Variants in CAMTA1 observed in about 807,000 individuals in gnomAD.
The protein encoded by CAMTA1 is calmodulin binding transcription activator 1, also known as calmodulin-binding transcription activator 1.
In CAMTA1, 27 loss-of-function variants were observed where a neutral mutation model predicts 170.9. That is an observed-to-expected ratio of 0.16 (90% CI 0.12 to 0.22). The LOEUF (loss-of-function observed/expected upper bound fraction) is 0.22, where lower values mean the gene tolerates loss of function less well. CAMTA1 is among the 10% of genes least tolerant of loss of function. The pLI, the probability that CAMTA1 is intolerant of heterozygous loss-of-function variation, is 1.00. For synonymous variants in CAMTA1, 833 were observed against 891.5 expected, an observed-to-expected ratio of 0.93 and a Z score of 1.17; for missense variants, 1,619 against 2,217.2, an observed-to-expected ratio of 0.73 and a Z score of 5.42.
At chr1:7,262,946 A>G (rs1298385168) in intron 5 of CAMTA1, among the ~76,000 whole-genome samples, 1 of 152,228 alleles carries the variant, frequency 6.6e-6, no homozygotes, top group Non-Finnish European at 1.5e-5. Context: ...TTCCAGGTGC[A>G]GAACCGATCA....
At chr1:7,731,003 C>T (rs983244606) in intron 11 of CAMTA1, among the ~76,000 whole-genome samples, 2 of 151,336 alleles carry the variant, frequency 1.3e-5, no homozygotes, top group African/African-American at 2.4e-5. Flanking sequence ...ATATATGAAG[C>T]GAGCGTGGGC....
chr1:7,660,790 T>G (rs1327401291), intron 7 of CAMTA1, among the ~76,000 whole-genome samples: 2 of 152,196 alleles, frequency 1.3e-5, no homozygotes, highest in Admixed American at 6.5e-5. Flanking sequence ...GCCCGGCTCC[T>G]CCGCGCCTGG....
chr1:7,705,022 T>G (rs1207816980), intron 11 of CAMTA1, among the ~76,000 whole-genome samples: 30 of 134,358 alleles, frequency 2.2e-4, no homozygotes, highest in African/African-American at 6.7e-4. Flanking sequence ...GCCGGGGGCG[T>G]GGTGCGCGGC....
At chr1:6,882,970 C>G (rs1672027367) in intron 3 of CAMTA1, among the ~76,000 whole-genome samples, 1 of 152,314 alleles carries the variant, frequency 6.6e-6, no homozygotes, top group South Asian at 2.1e-4. Flanking sequence ...GGTCTCAGCT[C>G]ACTGCCATTT....
At chr1:7,659,640 G>A (rs146987165) in intron 7 of CAMTA1, among the ~76,000 whole-genome samples, 16 of 152,230 alleles carry the variant, frequency 1.1e-4, no homozygotes, top group Non-Finnish European at 1.9e-4. Context: ...AGATCTACCC[G>A]CAGTGTTCCG....
intron 6 of CAMTA1, among the ~76,000 whole-genome samples, chr1:7,501,123 G>A (rs186056492): frequency 9.9e-5 from 15 of 152,260 alleles, no homozygotes; most frequent in South Asian, 2.1e-4. Flanking sequence ...CGAGGCAGCC[G>A]AGAGAGTATG....
At chr1:7,253,065 C>A (rs1451193417) in intron 5 of CAMTA1, among the ~76,000 whole-genome samples, 1 of 152,112 alleles carries the variant, frequency 6.6e-6, no homozygotes, top group Non-Finnish European at 1.5e-5. Context: ...GATAAGGTTT[C>A]CAGGGATGAC....
intron 7 of CAMTA1, among the ~76,000 whole-genome samples, chr1:7,644,036 T>TA (rs1380753973): frequency 6.6e-6 from 1 of 152,226 alleles, no homozygotes; most frequent in Non-Finnish European, 1.5e-5. Flanking sequence ...TTCGAAGACT[T>TA]CACAGTTTGA....
At chr1:7,332,446 G>A (rs747392883) in intron 5 of CAMTA1, among the ~76,000 whole-genome samples, 6 of 152,194 alleles carry the variant, frequency 3.9e-5, no homozygotes, top group Admixed American at 1.3e-4. Flanking sequence ...GTTTGCAGGA[G>A]CCTTTTCTAT....
rs1708792710 is a variant in CAMTA1, at chr1:7,065,094, T to C, written c.235-26210T>C. 1.3e-5 allele frequency among the ~76,000 whole-genome samples: 2 copies of C among 152,106 alleles called. No individual in the cohort carries two copies. The highest frequency in any genetic ancestry group is 4.8e-5 in the African/African-American group (2 of 41,408). On this transcript the variant is annotated intron_variant, in intron 3 of 22. Transcript: ENST00000303635. The surrounding 1 kb of genome is among the most constrained non-coding windows in gnomAD (Gnocchi z 5.2). ...GTTGCACACGTTACATGTGGGATGC[T>C]CTTTATACAGCCAAATGGGGAGGCC...
At chr1:7,354,400 C>T (rs981294504) in intron 5 of CAMTA1, among the ~76,000 whole-genome samples, 6 of 152,138 alleles carry the variant, frequency 3.9e-5, no homozygotes, top group Non-Finnish European at 8.8e-5. Flanking sequence ...CCGCCCGCCT[C>T]GGCCTCCCAA....
chr1:6,876,827 C>G (rs1670034479), intron 3 of CAMTA1, among the ~76,000 whole-genome samples: 1 of 152,112 alleles, frequency 6.6e-6, no homozygotes, highest in African/African-American at 2.4e-5. Flanking sequence ...TTAGATAGAT[C>G]GAGAAATGGC....
At chr1:7,475,145 T>C (rs1028615787) in intron 6 of CAMTA1, among the ~76,000 whole-genome samples, 1 of 152,234 alleles carries the variant, frequency 6.6e-6, no homozygotes. Flanking sequence ...TAAAAATCTT[T>C]CTTAAAATGG....
In CAMTA1 at chr1:7,664,498, G is replaced by C; in HGVS notation, c.1951G>C (p.Ala651Pro). ...CGTGATGCCCACGGTGAAAACGGAG[G>C]CCTCGTCCCAAACCAGCTCCTGCAG... The part of the protein sequence containing the change: ...TFVMPTVKTE[A>P]SSQTSSCSGH... Residue 651 changes from alanine to proline, a missense_variant, in exon 9 of 23, where the codon GCC (alanine) becomes CCC (proline). Coordinates refer to ENST00000303635, the MANE Select transcript of CAMTA1 (RefSeq NM_015215.4). 1 of 1,613,284 alleles carries C rather than the reference G, an allele frequency of 6.2e-7. No homozygotes were observed. Among genetic ancestry groups the C allele is most frequent in the Non-Finnish European group, 8.5e-7 (1 of 1,180,040 alleles).
chr1:6,817,717 T>C (rs1645999396), intron 1 of CAMTA1, among the ~76,000 whole-genome samples: 1 of 152,168 alleles, frequency 6.6e-6, no homozygotes, highest in Non-Finnish European at 1.5e-5. Flanking sequence ...CACTTTAGGC[T>C]CAAATTCCTG....
intron 3 of CAMTA1, among the ~76,000 whole-genome samples, chr1:7,079,986 A>G (rs542349931): frequency 6.6e-6 from 1 of 152,252 alleles, no homozygotes; most frequent in South Asian, 2.1e-4. Context: ...TACATCTTGA[A>G]TATGGTGATA....
chr1:6,810,272 G>A (rs1645006585), intron 1 of CAMTA1, among the ~76,000 whole-genome samples: 1 of 152,172 alleles, frequency 6.6e-6, no homozygotes. Context: ...GCCATTTGAA[G>A]GACTCCTTTC....
intron 3 of CAMTA1, among the ~76,000 whole-genome samples, chr1:6,856,301 CAGAT>C (rs1323819277): frequency 5.0e-5 from 7 of 138,910 alleles, no homozygotes; most frequent in African/African-American, 1.9e-4. Context: ...TTCTCTGTGA[CAGAT>C]AGAATTATGA....
At chr1:7,705,552 G>GGGCCC (rs1356631572) in intron 11 of CAMTA1, among the ~76,000 whole-genome samples, 1 of 150,906 alleles carries the variant, frequency 6.6e-6, no homozygotes, top group East Asian at 1.9e-4. Context: ...GGGCGCGCGG[G>GGGCCC]GGCCCGGCCC....
Sources: allele counts gnomAD v4.1 joint callset (sites outside exome capture counted in the v4.1 genomes callset), GRCh38; gene constraint gnomAD v4.1.1; non-coding constraint Gnocchi (gnomAD v3.1); transcripts MANE v1.5; gene names NCBI Gene and HGNC (gene_info 2026-07-23, HGNC 2026-07-21).